The following EPHB2 variants were observed in gnomAD, a reference collection of about 807,000 sequenced individuals.
EPHB2 encodes the protein EPH receptor B2, also known as ephrin type-B receptor 2.
EPHB2 carries 18 observed loss-of-function variants against 96.4 expected under a neutral mutation model. The observed-to-expected ratio is 0.19, with a 90% CI of 0.13 to 0.28. The LOEUF is 0.28. EPHB2 is among the 10% of genes least tolerant of loss of function. The pLI is 1.00. For synonymous variants in EPHB2, 506 were observed against 534.1 expected, an observed-to-expected ratio of 0.95 and a Z score of 0.72; for missense variants, 989 against 1,355.4, an observed-to-expected ratio of 0.73 and a Z score of 4.25.
intron 5 of EPHB2, among the ~76,000 whole-genome samples, chr1:22,867,147 T>G (rs987003177): frequency 1.3e-5 from 2 of 152,206 alleles, no homozygotes; most frequent in African/African-American, 4.8e-5. Flanking sequence ...TTGGGCGAAG[T>G]CCTTGATGTG....
chr1:22,720,138 A>G (rs1300994163), intron 1 of EPHB2, among the ~76,000 whole-genome samples: 1 of 152,100 alleles, frequency 6.6e-6, no homozygotes, highest in Non-Finnish European at 1.5e-5. Flanking sequence ...CATGGCAATT[A>G]GCTCCCAAGA....
At chr1:22,834,021 A>G (rs971027060) in intron 3 of EPHB2, among the ~76,000 whole-genome samples, 2 of 148,292 alleles carry the variant, frequency 1.3e-5, no homozygotes, top group Non-Finnish European at 3.0e-5. Flanking sequence ...GACAAGATAT[A>G]ATAATCCTGA....
chr1:22,740,553 G>A (rs1235641272), intron 1 of EPHB2, among the ~76,000 whole-genome samples: 1 of 152,120 alleles, frequency 6.6e-6, no homozygotes, highest in Non-Finnish European at 1.5e-5. Flanking sequence ...TCATCACTGC[G>A]ACAACCACAG....
At chr1:22,891,551 C>T (rs527937791) in intron 6 of EPHB2, among the ~76,000 whole-genome samples, 3 of 152,314 alleles carry the variant, frequency 2.0e-5, no homozygotes, top group African/African-American at 2.4e-5. Flanking sequence ...GAAGTTTTGC[C>T]GGGCGGCTGA....
chr1:22,876,639 C>T (rs1407732332), intron 5 of EPHB2, among the ~76,000 whole-genome samples: 1 of 152,236 alleles, frequency 6.6e-6, no homozygotes, highest in Non-Finnish European at 1.5e-5. Flanking sequence ...ACCCCATCCC[C>T]CTGTCAGCGT....
In EPHB2 at chr1:22,912,439, C is replaced by T; in HGVS notation, c.2697-5C>T. On this transcript the variant is annotated splice_polypyrimidine_tract_variant and splice_region_variant and intron_variant, in intron 14 of 15. Coordinates refer to ENST00000374630, the MANE Select transcript of EPHB2 (RefSeq NM_017449.5). ...ACCATCTCTGTCGCCCACCCCCAACCCCAGCATCAACCTGCCGCTGCTGGA... is the reference window on the plus strand; with the variant it reads ...ACCATCTCTGTCGCCCACCCCCAACTCCAGCATCAACCTGCCGCTGCTGGA... The T allele has an allele frequency of 1.9e-6, 3 of 1,614,012 alleles. No individual in the cohort carries two copies. Among genetic ancestry groups the T allele is most frequent in the Non-Finnish European group, 2.5e-6 (3 of 1,180,040 alleles).
At chr1:22,907,796 C>T (rs910253794) in intron 11 of EPHB2, among the ~76,000 whole-genome samples, 157 bp from the exon 12 acceptor site, 18 of 152,198 alleles carry the variant, frequency 1.2e-4, no homozygotes, top group African/African-American at 4.3e-4. Flanking sequence ...TGGCCTCTGA[C>T]GGGCCTCTCT....
Position 22,908,112 on chromosome 1 carries a change from G to C in EPHB2, c.2296G>C (p.Gly766Arg), listed in dbSNP as rs1639975868. The C allele has an allele frequency of 6.2e-7, 1 of 1,614,230 alleles. No individual in the cohort carries two copies. The highest frequency in any genetic ancestry group is 8.5e-7 in the Non-Finnish European group (1 of 1,180,044). ...SNLVCKVSDF[G>R]LSRFLEDDTS... ...CCTGGTCTGCAAGGTGTCGGACTTT[G>C]GGCTCTCACGCTTTCTAGAGGACGA... The change falls in exon 12 of 16, where the codon GGG (glycine) becomes CGG (arginine). Residue 766 changes from glycine (G) to arginine (R), a missense_variant. Physicochemically the swap from Gly to Arg is moderately radical, Grantham distance 125. Coordinates refer to ENST00000374630, the MANE Select transcript of EPHB2 (RefSeq NM_017449.5).
At chr1:22,780,212 AC>A (rs1644509354) in intron 1 of EPHB2, among the ~76,000 whole-genome samples, 1 of 152,222 alleles carries the variant, frequency 6.6e-6, no homozygotes, top group Admixed American at 6.5e-5. Flanking sequence ...AGGGTAGAGG[AC>A]AGGGGTCCTG....
At chr1:22,836,922 C>T (rs1645394163) in intron 3 of EPHB2, 1 of 152,198 alleles carries the variant, frequency 6.6e-6, no homozygotes, top group African/African-American at 2.4e-5. Context: ...AGCCCAGGGC[C>T]CTGGTAGAAA....
chr1:22,819,202 G>GAT (rs1359439106), intron 3 of EPHB2, among the ~76,000 whole-genome samples: 3 of 63,672 alleles, frequency 4.7e-5, no homozygotes, highest in African/African-American at 1.5e-4. Context: ...TCGCCCAGCA[G>GAT]ATGTCTCTCT....
At chr1:22,715,546 C>T (rs1643271545) in intron 1 of EPHB2, among the ~76,000 whole-genome samples, 1 of 152,154 alleles carries the variant, frequency 6.6e-6, no homozygotes, top group South Asian at 2.1e-4. Context: ...GTTTCTTTTG[C>T]TTCTCATTTT....
intron 1 of EPHB2, among the ~76,000 whole-genome samples, chr1:22,773,208 C>CA (rs1644402658): frequency 6.6e-6 from 1 of 152,230 alleles, no homozygotes; most frequent in South Asian, 2.1e-4. Flanking sequence ...GATGAGGAAA[C>CA]AGAGGCTCAG....
chr1:22,889,907 T>C (rs1639339150), intron 6 of EPHB2, among the ~76,000 whole-genome samples: 1 of 152,202 alleles, frequency 6.6e-6, no homozygotes, highest in Non-Finnish European at 1.5e-5. Context: ...CCAAAATGTA[T>C]TTGTTGTTCA....
intron 5 of EPHB2, among the ~76,000 whole-genome samples, chr1:22,877,991 T>G (rs12567110): frequency 6.6e-6 from 1 of 152,244 alleles, no homozygotes; most frequent in Non-Finnish European, 1.5e-5. Flanking sequence ...GTTTTAAAAG[T>G]GCTGCAATCT....
At position 22,892,981 on chromosome 1, in the gene EPHB2, G is replaced by A. The variant is rs773439627; in HGVS notation, c.1526G>A (p.Arg509Gln). 6 of 1,614,080 alleles carry A rather than the reference G, an allele frequency of 3.7e-6. No homozygotes were observed. The highest frequency in any genetic ancestry group is 2.7e-5 in the African/African-American group (2 of 74,950). The change falls in exon 7 of 16, where the codon CGG becomes CAG. Residue 509 changes from arginine (R) to glutamine (Q), a missense_variant. Physicochemically the swap from Arg to Gln is conservative, Grantham distance 43. Transcript: ENST00000374630. ...GGCGCCATCTATGTCTTCCAGGTGC[G>A]GGCACGCACCGTGGCAGGTTACGGG... The part of the protein sequence containing the change: ...KAGAIYVFQV[R>Q]ARTVAGYGRY...
At chr1:22,772,405 T>C (rs1026749561) in intron 1 of EPHB2, among the ~76,000 whole-genome samples, 1 of 151,874 alleles carries the variant, frequency 6.6e-6, no homozygotes, top group African/African-American at 2.4e-5. Flanking sequence ...CGAGAAGGGG[T>C]GTGTGCTATG....
intron 5 of EPHB2, 100 bp from the exon 6 acceptor site, chr1:22,882,259 G>C: frequency 6.3e-7 from 1 of 1,575,622 alleles, no homozygotes; most frequent in Non-Finnish European, 8.6e-7. Flanking sequence ...TTCCCTCTCT[G>C]ATCCCACAGT....
At chr1:22,781,609 T>C in intron 2 of EPHB2, 124 bp downstream of exon 2, 2 of 899,704 alleles carry the variant, frequency 2.2e-6, no homozygotes, top group South Asian at 2.9e-5. Context: ...GCCAGGCCTC[T>C]CTCAGCCCCA....
Sources: allele counts gnomAD v4.1 joint callset (sites outside exome capture counted in the v4.1 genomes callset), GRCh38; gene constraint gnomAD v4.1.1; transcripts MANE v1.5; gene names NCBI Gene and HGNC (gene_info 2026-07-23, HGNC 2026-07-21).